The following SLC35E3 variants were observed in gnomAD, a reference collection of about 807,000 sequenced individuals.
The protein encoded by SLC35E3 is bladder cancer-overexpressed gene 1 protein.
SLC35E3 carries 28 observed loss-of-function variants against 30.8 expected under a neutral mutation model. The ratio of observed to expected loss-of-function variants is 0.91; its 90% confidence interval spans 0.67 to 1.25. SLC35E3 has a LOEUF of 1.25. Ranked by LOEUF, SLC35E3 falls within the 50% of genes most tolerant of loss-of-function variation. SLC35E3 has a pLI of 0.00. For missense variants in SLC35E3, 365 were observed against 375.4 expected (o/e 0.97, Z 0.23); for synonymous variants, 146 against 149.2 (o/e 0.98, Z 0.16).
chr12:68,773,151 C>G lies in SLC35E3; in HGVS notation c.*8261C>G, dbSNP rs1592551303. ...TCTCTGCCATAACATCTTTTGCCACCTATAGCTACAATAAAGTGTCGTCTT... is the reference window on the plus strand; with the variant it reads ...TCTCTGCCATAACATCTTTTGCCACGTATAGCTACAATAAAGTGTCGTCTT... On this transcript the variant is annotated 3_prime_UTR_variant, in exon 5 of 5. Transcript: ENST00000398004. 6.6e-6 allele frequency: 1 copy of G among 152,286 alleles called. No individual in the cohort carries two copies. Among genetic ancestry groups the G allele is most frequent in the Non-Finnish European group, 1.5e-5 (1 of 68,050 alleles). 9.4% of individuals were successfully genotyped at this position (152,286 alleles called of 1,614,324 possible). A position where few individuals can be genotyped will look rare whatever the true frequency, so the allele number is the denominator to read the frequency against.
In SLC35E3 at chr12:68,766,783, C is replaced by A. The variant is rs1879436993; in HGVS notation, c.*1893C>A. 2.2e-6 allele frequency: 1 copy of A among 450,900 alleles called. No individual in the cohort carries two copies. The allele number at this position is 450,900 out of a possible 1,614,324, so 27.9% of individuals were successfully genotyped here. A position where few individuals can be genotyped will look rare whatever the true frequency, so the allele number is the denominator to read the frequency against. ...TATTTTTTGTAGAGACAGAGTTTTGCCATGTTGCTCAGGCTGATCTCAAAC... is the reference window on the plus strand; with the variant it reads ...TATTTTTTGTAGAGACAGAGTTTTGACATGTTGCTCAGGCTGATCTCAAAC... On this transcript the variant is annotated 3_prime_UTR_variant, in exon 5 of 5. Transcript: ENST00000398004.
rs770839830 is a variant in SLC35E3 at position 68,764,792 on chromosome 12, C to G, written c.844C>G (p.Leu282Val). 6.2e-7 allele frequency: 1 copy of G among 1,614,100 alleles called. No homozygotes were observed. Among genetic ancestry groups the G allele is most frequent in the Admixed American group, 1.7e-5 (1 of 59,996 alleles). Residue 282 changes from leucine to valine, a missense_variant, in exon 5 of 5, where the codon CTT (leucine) becomes GTT (valine). By Grantham distance (32) the Leu-to-Val change is conservative. Transcript: ENST00000398004. ...FKDPLSINQA[L>V]GILCTLFGIL... ...GGATCCACTGTCCATTAATCAGGCCCTTGGCATTTTATGTACATTATTTGG... is the reference window on the plus strand; with the variant it reads ...GGATCCACTGTCCATTAATCAGGCCGTTGGCATTTTATGTACATTATTTGG...
At chr12:68,753,049 A>G (rs954517516) in intron 3 of SLC35E3, among the ~76,000 whole-genome samples, 5 of 150,050 alleles carry the variant, frequency 3.3e-5, no homozygotes, top group Non-Finnish European at 5.9e-5. Context: ...AAGGAGGCTG[A>G]GGCACAAAAA....
rs1879830889 is a variant in SLC35E3, at chr12:68,779,565, A to T, written c.*14675A>T. 1 of 152,234 alleles carries T rather than the reference A, an allele frequency of 6.6e-6. No homozygotes were observed. 9.4% of individuals were successfully genotyped at this position (152,234 alleles called of 1,614,324 possible). On this transcript the variant is annotated 3_prime_UTR_variant, in exon 5 of 5. Transcript: ENST00000398004. ...TAAGCATGGTTTGAGAAGGAAAAAAAGCTTAACAAGGGGGAATTGAGGAAG... is the reference window on the plus strand; with the variant it reads ...TAAGCATGGTTTGAGAAGGAAAAAATGCTTAACAAGGGGGAATTGAGGAAG...
chr12:68,776,762 G>A lies in SLC35E3; in HGVS notation c.*11872G>A, dbSNP rs1279348061. On this transcript the variant is annotated 3_prime_UTR_variant, in exon 5 of 5. Coordinates refer to ENST00000398004, the MANE Select transcript of SLC35E3 (RefSeq NM_018656.5). ...TTCCAGACTCCAGAGAGTGGGGTGT[G>A]TGGAAGACAGGGACTGGTCTGGTGG... 2.0e-5 allele frequency: 3 copies of A among 152,214 alleles called. No individual in the cohort carries two copies. Among genetic ancestry groups the A allele is most frequent in the African/African-American group, 4.8e-5 (2 of 41,526 alleles). 9.4% of individuals were successfully genotyped at this position (152,214 alleles called of 1,614,324 possible). A position where few individuals can be genotyped will look rare whatever the true frequency, so the allele number is the denominator to read the frequency against.
intron 3 of SLC35E3, among the ~76,000 whole-genome samples, chr12:68,753,344 T>C (rs1432316419): frequency 6.6e-6 from 1 of 151,726 alleles, no homozygotes; most frequent in African/African-American, 2.4e-5. Context: ...TCCCAGCTAC[T>C]TGGGAGGCTG....
Position 68,765,666 on chromosome 12 carries a change from A to G in SLC35E3, c.*776A>G, listed in dbSNP as rs1879382636. 1 of 151,482 alleles carries G rather than the reference A, an allele frequency of 6.6e-6. No homozygotes were observed. The highest frequency in any genetic ancestry group is 1.5e-5 in the Non-Finnish European group (1 of 67,950). The allele number at this position is 151,482 out of a possible 1,614,324, so 9.4% of individuals were successfully genotyped here. A position where few individuals can be genotyped will look rare whatever the true frequency, so the allele number is the denominator to read the frequency against. On this transcript the variant is annotated 3_prime_UTR_variant, in exon 5 of 5. Transcript: ENST00000398004. ...TGTGTGTGTGTGTATACATATATAC[A>G]CATATATACACACACACATACATAT...
chr12:68,771,696 T>C lies in SLC35E3; in HGVS notation c.*6806T>C, dbSNP rs531319237. On this transcript the variant is annotated 3_prime_UTR_variant, in exon 5 of 5. Coordinates refer to ENST00000398004, the MANE Select transcript of SLC35E3 (RefSeq NM_018656.5). Reference sequence around the variant, plus strand: ...TTAATAGTTTCGAAAGAAAGAAACCTGCCAAGCAAAAGTCCGGTCTCAGCC... The same window carrying C: ...TTAATAGTTTCGAAAGAAAGAAACCCGCCAAGCAAAAGTCCGGTCTCAGCC... 5.4e-5 allele frequency: 8 copies of C among 147,886 alleles called. No homozygotes were observed. The East Asian group carries it at 1.5e-3, about 29-fold the overall frequency. The allele number at this position is 147,886 out of a possible 1,614,324, so 9.2% of individuals were successfully genotyped here. A position where few individuals can be genotyped will look rare whatever the true frequency, so the allele number is the denominator to read the frequency against.
chr12:68,749,903 A>G (rs1415401854), intron 2 of SLC35E3, among the ~76,000 whole-genome samples: 1 of 152,136 alleles, frequency 6.6e-6, no homozygotes, highest in Admixed American at 6.5e-5. Context: ...TTGAGCACGC[A>G]CCAGGAGAGG....
At chr12:68,751,361 G>A (rs1878788486) in intron 2 of SLC35E3, among the ~76,000 whole-genome samples, 1 of 150,492 alleles carries the variant, frequency 6.6e-6, no homozygotes, top group Non-Finnish European at 1.5e-5. Flanking sequence ...GCAGTGGCGC[G>A]ATCTCAGCTC....
chr12:68,761,421 C>T lies in SLC35E3; in HGVS notation c.755+2182C>T, dbSNP rs149783763. The stretch of plus-strand genomic sequence containing the variant: ...TAAAATAAAATAAATCATAGAATCA[C>T]TCAGGACTCCTGTGTTGAGAATAGA... On this transcript the variant is annotated intron_variant, in intron 4 of 4. Transcript: ENST00000398004. 4.0e-3 allele frequency among the ~76,000 whole-genome samples: 616 copies of T among 152,300 alleles called. 2 individuals carry two copies. Among genetic ancestry groups the T allele is most frequent in the African/African-American group, 0.012 (503 of 41,558 alleles).
intron 2 of SLC35E3, among the ~76,000 whole-genome samples, chr12:68,750,396 G>T (rs1198549817): frequency 6.6e-6 from 1 of 152,240 alleles, no homozygotes; most frequent in East Asian, 1.9e-4. Context: ...AGGAAGGCAG[G>T]CATCTGCCTT....
At chr12:68,756,634 C>T (rs1239688649) in intron 3 of SLC35E3, among the ~76,000 whole-genome samples, 1 of 152,008 alleles carries the variant, frequency 6.6e-6, no homozygotes, top group Non-Finnish European at 1.5e-5. Flanking sequence ...GGTTTCATAC[C>T]AGGGATGTGG....
chr12:68,763,779 A>T (rs143755072), intron 4 of SLC35E3, among the ~76,000 whole-genome samples: 156 of 152,294 alleles, frequency 1.0e-3, no homozygotes, highest in African/African-American at 3.2e-3. Flanking sequence ...ATCCAGTGGC[A>T]TGTTACTGGC....
intron 2 of SLC35E3, among the ~76,000 whole-genome samples, chr12:68,750,758 G>A (rs896970155): frequency 6.6e-6 from 1 of 152,206 alleles, no homozygotes; most frequent in Non-Finnish European, 1.5e-5. Context: ...GGCAGCAGAA[G>A]AATCAGTTCT....
chr12:68,769,403 T>TCCCAA lies in SLC35E3; in HGVS notation c.*4515_*4519dup, dbSNP rs1041617942. 3 of 151,960 alleles carry TCCCAA rather than the reference T, an allele frequency of 2.0e-5. No homozygotes were observed. The highest frequency in any genetic ancestry group is 7.3e-5 in the African/African-American group (3 of 41,344). The allele number at this position is 151,960 out of a possible 1,614,324, so 9.4% of individuals were successfully genotyped here. On this transcript the variant is annotated 3_prime_UTR_variant, in exon 5 of 5. Coordinates refer to ENST00000398004, the MANE Select transcript of SLC35E3 (RefSeq NM_018656.5). ...CGGGCACGGTGGCTCACGCCTGTAA[T>TCCCAA]CCCAACACTTTGGGAGGCTGAGGTG...
chr12:68,754,176 A>G (rs949239665), intron 3 of SLC35E3, among the ~76,000 whole-genome samples: 1 of 151,904 alleles, frequency 6.6e-6, no homozygotes, highest in Non-Finnish European at 1.5e-5. Context: ...GTGGAATCCT[A>G]TTACATATGC....
At position 68,778,790 on chromosome 12, in the gene SLC35E3, C is replaced by CA. The variant is rs1327835229; in HGVS notation, c.*13912dup. The stretch of plus-strand genomic sequence containing the variant: ...GGACAAAAGAGCAAAACTCCATCTC[C>CA]AAAAAAAAAAAAGAAAAGAAACTGA... On this transcript the variant is annotated 3_prime_UTR_variant, in exon 5 of 5. Transcript: ENST00000398004. 451 of 133,480 alleles carry CA rather than the reference C, an allele frequency of 3.4e-3. 1 individual carries two copies. The highest frequency in any genetic ancestry group is 5.6e-3 in the East Asian group (26 of 4,654). The allele number at this position is 133,480 out of a possible 1,614,324, so 8.3% of individuals were successfully genotyped here.
At chr12:68,753,288 A>T (rs546631094) in intron 3 of SLC35E3, among the ~76,000 whole-genome samples, 12 of 151,954 alleles carry the variant, frequency 7.9e-5, no homozygotes, top group Middle Eastern at 3.4e-3. Context: ...TCTCAGAAAA[A>T]AAATAAATAA....
Sources: gnomAD v4.1 joint callset for allele counts (sites outside exome capture counted in the v4.1 genomes callset) on GRCh38, gnomAD v4.1.1 for gene constraint, MANE v1.5 for transcripts, NCBI Gene and HGNC (gene_info 2026-07-23, HGNC 2026-07-21) for gene names.